Variants in DNAJC11 observed in about 807,000 individuals in gnomAD.
DNAJC11 encodes the protein dnaJ homolog subfamily C member 11.
A neutral mutation model predicts 78.6 loss-of-function variants in DNAJC11; 15 were observed. The ratio of observed to expected loss-of-function variants is 0.19; its 90% CI spans 0.13 to 0.29. The LOEUF (loss-of-function observed/expected upper bound fraction) is 0.29, where lower values mean the gene tolerates loss of function less well. Ranked by LOEUF, DNAJC11 falls within the 10% of genes least tolerant of loss-of-function variation. The pLI is 1.00. For missense variants in DNAJC11, 547 were observed against 709.6 expected, an observed-to-expected ratio of 0.77 and a Z score of 2.60; for synonymous variants, 292 against 272.1, an observed-to-expected ratio of 1.07 and a Z score of -0.72.
intron 4 of DNAJC11, among the ~76,000 whole-genome samples, chr1:6,661,209 C>A (rs1642207487): frequency 6.6e-6 from 1 of 152,186 alleles, no homozygotes; most frequent in African/African-American, 2.4e-5. Flanking sequence ...CAACTGCAAT[C>A]TCAAAAGGAA....
chr1:6,698,245 C>T (rs1642871185), intron 1 of DNAJC11, among the ~76,000 whole-genome samples: 1 of 151,878 alleles, frequency 6.6e-6, no homozygotes, highest in Non-Finnish European at 1.5e-5. Flanking sequence ...CAGGGCCTTG[C>T]CTCTCACAGC....
intron 3 of DNAJC11, among the ~76,000 whole-genome samples, chr1:6,671,377 G>T (rs1279541676): frequency 2.0e-5 from 3 of 152,002 alleles, no homozygotes; most frequent in Non-Finnish European, 2.9e-5. Context: ...TGAGTAGCTG[G>T]GACTACAGGC....
chr1:6,649,643 G>T (rs539290288), intron 7 of DNAJC11, among the ~76,000 whole-genome samples: 2 of 152,196 alleles, frequency 1.3e-5, no homozygotes, highest in East Asian at 3.9e-4. Flanking sequence ...AGTGGGCAGG[G>T]ATTAGGTCAA....
At chr1:6,674,097 T>C (rs1642423290) in intron 3 of DNAJC11, among the ~76,000 whole-genome samples, 1 of 152,218 alleles carries the variant, frequency 6.6e-6, no homozygotes, top group Non-Finnish European at 1.5e-5. Flanking sequence ...GGTTAGATTT[T>C]TGCCATTCTG....
intron 14 of DNAJC11, 145 bp from the exon 15 acceptor site, chr1:6,636,391 G>C: frequency 7.8e-7 from 1 of 1,288,872 alleles, no homozygotes; most frequent in Non-Finnish European, 1.0e-6. Context: ...AAAGAAACAA[G>C]AATTTGAAAA....
At chr1:6,662,090 T>C (rs1289808503) in intron 4 of DNAJC11, among the ~76,000 whole-genome samples, 1 of 150,184 alleles carries the variant, frequency 6.7e-6, no homozygotes, top group Non-Finnish European at 1.5e-5. Flanking sequence ...TAGCTGGGAC[T>C]ACAGGAGCAC....
chr1:6,656,118 A>G (rs1165243410), intron 4 of DNAJC11, among the ~76,000 whole-genome samples: 1 of 151,618 alleles, frequency 6.6e-6, no homozygotes, highest in African/African-American at 2.4e-5. Flanking sequence ...AAAAAAAAAA[A>G]AAAATTACAA....
intron 7 of DNAJC11, chr1:6,650,879 A>G (rs763180616): frequency 2.0e-5 from 6 of 300,510 alleles, no homozygotes; most frequent in Non-Finnish European, 3.4e-5. Flanking sequence ...TGTCTCCAAA[A>G]TAAATAAATA....
At chr1:6,687,854 A>T (rs946516079) in intron 1 of DNAJC11, among the ~76,000 whole-genome samples, 4 of 152,090 alleles carry the variant, frequency 2.6e-5, no homozygotes, top group African/African-American at 7.2e-5. Flanking sequence ...GACTGGAGTA[A>T]CTCATTCTGT....
At chr1:6,638,992 T>C (rs970216569) in intron 11 of DNAJC11, among the ~76,000 whole-genome samples, 8 of 152,166 alleles carry the variant, frequency 5.3e-5, no homozygotes, top group Admixed American at 3.9e-4. Flanking sequence ...GGATTCTGAG[T>C]CCAAAGGCCA....
chr1:6,677,842 CACA>C (rs1418445812), intron 3 of DNAJC11, among the ~76,000 whole-genome samples: 1 of 152,182 alleles, frequency 6.6e-6, no homozygotes, highest in Non-Finnish European at 1.5e-5. Flanking sequence ...TTTCACTCAT[CACA>C]TTTGACAAAG....
intron 3 of DNAJC11, among the ~76,000 whole-genome samples, chr1:6,676,911 T>C (rs1480554120): frequency 6.6e-6 from 1 of 151,962 alleles, no homozygotes; most frequent in Non-Finnish European, 1.5e-5. Context: ...TGGTGGCTCA[T>C]GCCTGTAATC....
At chr1:6,663,778 C>A (rs541977907) in intron 4 of DNAJC11, among the ~76,000 whole-genome samples, 1 of 152,328 alleles carries the variant, frequency 6.6e-6, no homozygotes, top group South Asian at 2.1e-4. Flanking sequence ...CAGGAATTTA[C>A]TCCCACAGGG....
In DNAJC11 at chr1:6,634,659, G is replaced by T; in HGVS notation, c.*1016C>A. ...GGTCCAGGCCGTGGAGGGGGTCCTAGCTCCGCTGCATTCTGCATCCCAAGT... is the reference window on the plus strand; with the variant it reads ...GGTCCAGGCCGTGGAGGGGGTCCTATCTCCGCTGCATTCTGCATCCCAAGT... On this transcript the variant is annotated 3_prime_UTR_variant, in exon 16 of 16. Transcript: ENST00000377577. 1 of 1,366,486 alleles carries T rather than the reference G, an allele frequency of 7.3e-7. No individual in the cohort carries two copies. Among genetic ancestry groups the T allele is most frequent in the Non-Finnish European group, 9.8e-7 (1 of 1,021,816 alleles). The allele number at this position is 1,366,486 out of a possible 1,614,324, so 84.6% of individuals were successfully genotyped here.
intron 10 of DNAJC11, among the ~76,000 whole-genome samples, chr1:6,641,833 C>T (rs528745377): frequency 2.6e-5 from 4 of 152,154 alleles, no homozygotes; most frequent in South Asian, 2.1e-4. Flanking sequence ...TCTAGAAGTG[C>T]GGGTGAGAAT....
chr1:6,650,136 C>T (rs950875283), intron 7 of DNAJC11, among the ~76,000 whole-genome samples: 1 of 151,238 alleles, frequency 6.6e-6, no homozygotes, highest in Non-Finnish European at 1.5e-5. Context: ...ATTAGTCAGG[C>T]ATGGTGGTGC....
At chr1:6,681,132 T>A in intron 1 of DNAJC11, 95 bp from the exon 2 acceptor site, 1 of 1,331,150 alleles carries the variant, frequency 7.5e-7, no homozygotes, top group Non-Finnish European at 1.0e-6. Flanking sequence ...ATCAGCCACG[T>A]CCCAATGTGT....
intron 3 of DNAJC11, 138 bp from the exon 4 acceptor site, chr1:6,667,948 C>A: frequency 1.3e-6 from 1 of 763,134 alleles, no homozygotes. Flanking sequence ...GGAAGGACCC[C>A]AAACCATGAG....
chr1:6,673,195 CAAAAAAAAAAAA>C (rs70981399), intron 3 of DNAJC11, among the ~76,000 whole-genome samples: 1 of 39,292 alleles, frequency 2.5e-5, no homozygotes, highest in Non-Finnish European at 4.1e-5. Flanking sequence ...AACTCCATCT[CAAAAAAAAAAAA>C]AAAAAAAAAA....
Sources: gnomAD v4.1 joint callset for allele counts (sites outside exome capture counted in the v4.1 genomes callset) on GRCh38, gnomAD v4.1.1 for gene constraint, MANE v1.5 for transcripts, NCBI Gene and HGNC (gene_info 2026-07-23, HGNC 2026-07-21) for gene names.